Variants in IL1RAPL2 observed in about 807,000 individuals in gnomAD.
IL1RAPL2 encodes the protein X-linked interleukin-1 receptor accessory protein-like 2.
IL1RAPL2 carries 3 observed loss-of-function variants against 44.1 expected under a neutral mutation model. That is an observed-to-expected ratio of 0.07 (90% CI 0.03 to 0.18). The LOEUF is 0.18. Among genes scored for constraint, IL1RAPL2 ranks in the 10% least tolerant of loss-of-function variants. The pLI, the probability that IL1RAPL2 is intolerant of heterozygous loss-of-function variation, is 1.00. For missense variants in IL1RAPL2, 391 were observed against 496.4 expected, an observed-to-expected ratio of 0.79 and a Z score of 2.02; for synonymous variants, 181 against 178.8, an observed-to-expected ratio of 1.01 and a Z score of -0.10.
At chrX:105,665,919 C>T (rs1448205653) in intron 6 of IL1RAPL2, among the ~76,000 whole-genome samples, 8 of 107,039 alleles carry the variant, frequency 7.5e-5, no homozygotes, top group Non-Finnish European at 1.2e-4. Flanking sequence ...CCCGCCACCA[C>T]GCCCGGCTAA....
intron 6 of IL1RAPL2, among the ~76,000 whole-genome samples, chrX:105,633,527 T>C (rs753786969): frequency 2.9e-4 from 32 of 111,503 alleles, no homozygotes; most frequent in African/African-American, 9.1e-4. Flanking sequence ...ATAGTTCTGT[T>C]ATTGAGCCTT....
chrX:104,672,088 C>A (rs1413443842), intron 2 of IL1RAPL2, among the ~76,000 whole-genome samples: 1 of 111,027 alleles, frequency 9.0e-6, no homozygotes, highest in Non-Finnish European at 1.9e-5. Flanking sequence ...AAAGGGCAGG[C>A]CAATTGCTTT....
At chrX:104,977,817 T>A (rs1248278616) in intron 2 of IL1RAPL2, among the ~76,000 whole-genome samples, 1 of 112,410 alleles carries the variant, frequency 8.9e-6, no homozygotes, top group Non-Finnish European at 1.9e-5. Context: ...GGGGCAGTTC[T>A]GCAGTTATAT....
chrX:104,789,217 T>C (rs1016286446), intron 2 of IL1RAPL2, among the ~76,000 whole-genome samples: 7 of 112,012 alleles, frequency 6.2e-5, no homozygotes, highest in African/African-American at 2.3e-4. Context: ...TGCTGAAGTT[T>C]GGAATACAAA....
chrX:105,304,710 G>A (rs1264148672), intron 5 of IL1RAPL2, among the ~76,000 whole-genome samples: 1 of 111,757 alleles, frequency 8.9e-6, no homozygotes, highest in Non-Finnish European at 1.9e-5. Flanking sequence ...TCCAGAACGT[G>A]ACATGCAATT....
chrX:104,702,764 C>T (rs1931298274), intron 2 of IL1RAPL2, among the ~76,000 whole-genome samples: 2 of 110,751 alleles, frequency 1.8e-5, no homozygotes, highest in Admixed American at 9.6e-5. Flanking sequence ...AATATTGACC[C>T]CCTTCTGCTG....
chrX:104,842,311 G>T (rs1287667323), intron 2 of IL1RAPL2, among the ~76,000 whole-genome samples: 2 of 110,393 alleles, frequency 1.8e-5, no homozygotes, highest in Non-Finnish European at 3.8e-5. Context: ...AAGGTTCTTA[G>T]CTTCCTTGCA....
At chrX:105,157,190 C>G (rs1444886506) in intron 2 of IL1RAPL2, among the ~76,000 whole-genome samples, 1 of 109,415 alleles carries the variant, frequency 9.1e-6, no homozygotes, top group Non-Finnish European at 1.9e-5. Context: ...GCAGATTATG[C>G]CCCAACATAC....
chrX:104,721,495 C>A (rs1428170312), intron 2 of IL1RAPL2, among the ~76,000 whole-genome samples: 2 of 110,306 alleles, frequency 1.8e-5, no homozygotes, highest in Middle Eastern at 8.4e-3. Flanking sequence ...CACATGGACA[C>A]AGGGAGGGGA....
At chrX:104,632,626 T>C (rs1431868690) in intron 1 of IL1RAPL2, among the ~76,000 whole-genome samples, 1 of 107,658 alleles carries the variant, frequency 9.3e-6, no homozygotes, top group Non-Finnish European at 1.9e-5. Context: ...AGTTCACTCA[T>C]GATTTGGCTC....
chrX:105,356,400 C>T (rs1205846135), intron 5 of IL1RAPL2, among the ~76,000 whole-genome samples: 3 of 111,453 alleles, frequency 2.7e-5, no homozygotes, highest in African/African-American at 6.5e-5. Flanking sequence ...ATAGATAGTT[C>T]ATATTGCACA....
At chrX:104,704,142 C>G (rs1300213855) in intron 2 of IL1RAPL2, among the ~76,000 whole-genome samples, 1 of 111,948 alleles carries the variant, frequency 8.9e-6, no homozygotes, top group Non-Finnish European at 1.9e-5. Flanking sequence ...CTTTATAATT[C>G]TCCCTCATCA....
At chrX:105,765,767 G>T (rs1334074455) in intron 10 of IL1RAPL2, among the ~76,000 whole-genome samples, 1 of 112,932 alleles carries the variant, frequency 8.9e-6, no homozygotes, top group Non-Finnish European at 1.9e-5. Context: ...CATCTGTAAA[G>T]TAAGTTTCTC....
chrX:104,803,870 A>G (rs1932902312), intron 2 of IL1RAPL2: 1 of 112,098 alleles, frequency 8.9e-6, no homozygotes, highest in African/African-American at 3.2e-5. Context: ...TAAAAACACG[A>G]CATGGCCTTT....
At chrX:105,481,900 A>G (rs747305179) in intron 5 of IL1RAPL2, among the ~76,000 whole-genome samples, 1 of 111,981 alleles carries the variant, frequency 8.9e-6, no homozygotes, top group South Asian at 3.7e-4. Flanking sequence ...CTTACCCACC[A>G]CAGTTACTCA....
intron 1 of IL1RAPL2, among the ~76,000 whole-genome samples, chrX:104,637,575 A>T (rs897098755): frequency 1.8e-5 from 2 of 109,845 alleles, no homozygotes; most frequent in Admixed American, 9.7e-5. Context: ...ATCTATTGAG[A>T]TGATTGTATG....
chrX:105,053,096 A>G (rs1419830153), intron 2 of IL1RAPL2, among the ~76,000 whole-genome samples: 1 of 110,538 alleles, frequency 9.0e-6, no homozygotes, highest in Non-Finnish European at 1.9e-5. Context: ...AGCTGTTTCT[A>G]TTCGCCCATC....
intron 2 of IL1RAPL2, among the ~76,000 whole-genome samples, chrX:104,692,756 TGGC>T (rs1931113028): frequency 8.9e-6 from 1 of 111,959 alleles, no homozygotes; most frequent in Non-Finnish European, 1.9e-5. Flanking sequence ...GTTGGACACT[TGGC>T]TTGGTTCCAA....
chrX:105,032,944 T>C (rs2031539516), intron 2 of IL1RAPL2, among the ~76,000 whole-genome samples: 1 of 111,788 alleles, frequency 8.9e-6, no homozygotes, highest in African/African-American at 3.3e-5. Flanking sequence ...GGATAGTTAG[T>C]TCTTCTTGTT....
Sources: gnomAD v4.1 joint callset for allele counts (sites outside exome capture counted in the v4.1 genomes callset) on GRCh38, gnomAD v4.1.1 for gene constraint, MANE v1.5 for transcripts, NCBI Gene and HGNC (gene_info 2026-07-23, HGNC 2026-07-21) for gene names.